Variants in ZFP36L2 observed in about 807,000 individuals in gnomAD.
The protein encoded by ZFP36L2 is mRNA decay activator protein ZFP36L2.
A neutral mutation model predicts 27.9 loss-of-function variants in ZFP36L2; 16 were observed. That is an observed-to-expected ratio of 0.57 (90% confidence interval 0.39 to 0.87). The LOEUF (loss-of-function observed/expected upper bound fraction) is 0.87. Among genes scored for constraint, ZFP36L2 ranks in the 40% least tolerant of loss-of-function variants. The pLI is 0.00. For synonymous variants in ZFP36L2, 600 were observed against 363.8 expected (o/e 1.65, Z -7.39); for missense variants, 989 against 726.9 (o/e 1.36, Z -4.15).
Position 43,225,594 on chromosome 2 carries a change from G to C in ZFP36L2, c.210C>G (p.Ser70Arg), listed in dbSNP as rs1486512294. Residue 70 changes from serine to arginine, a missense_variant, in exon 2 of 2, where the codon AGC becomes AGG. Transcript: ENST00000282388. ...NLHALAHPAP[S>R]PGSCSPKFPG... ...GGAACTTGGGCGAGCAGCTGCCGGG[G>C]CTGGGCGCGGGGTGGGCGAGTGCAT... 1 of 1,558,448 alleles carries C rather than the reference G, an allele frequency of 6.4e-7. No individual in the cohort carries two copies. The highest frequency in any genetic ancestry group is 8.6e-7 in the Non-Finnish European group (1 of 1,158,288).
Position 43,225,679 on chromosome 2 carries a change from G to C in ZFP36L2, c.125C>G (p.Ala42Gly). 6.3e-7 allele frequency: 1 copy of C among 1,592,620 alleles called. No homozygotes were observed. Among genetic ancestry groups the C allele is most frequent in the Non-Finnish European group, 8.5e-7 (1 of 1,177,548 alleles). The change falls in exon 2 of 2, where the codon GCC (alanine) becomes GGC (glycine). Residue 42 changes from alanine to glycine, a missense_variant. Transcript: ENST00000282388. ...DKKAVGTPVA[A>G]APSSGFAPGF... ...CGGCGCGAAGCCCGAGCTGGGGGCG[G>C]CGGCCACAGGCGTCCCCACCGCCTT...
chr2:43,224,361 G>C lies in ZFP36L2; in HGVS notation c.1443C>G (p.Arg481=). ...GSESPSLDPG[R]RLPIFSRLSI... ...AGAGGCGGCTGAAGATTGGCAGGCG[G>C]CGGCCAGGGTCGAGGCTGGGAGACT... The change falls in exon 2 of 2, where the codon CGC becomes CGG. Residue 481 remains arginine, a synonymous_variant. Coordinates refer to ENST00000282388, the MANE Select transcript of ZFP36L2 (RefSeq NM_006887.5). 1 of 1,559,386 alleles carries C rather than the reference G, an allele frequency of 6.4e-7. No homozygotes were observed. Among genetic ancestry groups the C allele is most frequent in the East Asian group, 2.5e-5 (1 of 39,356 alleles).
chr2:43,225,462 G>T lies in ZFP36L2; in HGVS notation c.342C>A (p.Asn114Lys). The change falls in exon 2 of 2, where the codon AAC (asparagine) becomes AAA (lysine). Residue 114 changes from asparagine to lysine, a missense_variant. Transcript: ENST00000282388. ...PSGGGGTALL[N>K]KENKFRDRSF... ...AGCGGTCCCGGAATTTGTTCTCCTTGTTGAGCAGGGCTGTGCCGCCGCCCC... is the reference window on the plus strand; with the variant it reads ...AGCGGTCCCGGAATTTGTTCTCCTTTTTGAGCAGGGCTGTGCCGCCGCCCC... 3 of 1,612,180 alleles carry T rather than the reference G, an allele frequency of 1.9e-6. No homozygotes were observed. The highest frequency in any genetic ancestry group is 2.5e-6 in the Non-Finnish European group (3 of 1,179,294).
Position 43,224,217 on chromosome 2 carries a change from A to C in ZFP36L2, c.*102T>G, listed in dbSNP as rs1572680261. On this transcript the variant is annotated 3_prime_UTR_variant, in exon 2 of 2. Transcript: ENST00000282388. ...TTGCAGTCTGCCTAGGGCCCATGTC[A>C]CCCCCCCCACTCCCGTGCCCCCAGC... 7.9e-7 allele frequency: 1 copy of C among 1,267,554 alleles called. No homozygotes were observed. Among genetic ancestry groups the C allele is most frequent in the South Asian group, 1.6e-5 (1 of 60,886 alleles). The allele number at this position is 1,267,554 out of a possible 1,614,324, so 78.5% of individuals were successfully genotyped here. A position where few individuals can be genotyped will look rare whatever the true frequency, so the allele number is the denominator to read the frequency against.
chr2:43,226,369 C>T lies in ZFP36L2; in HGVS notation c.-54G>A. On this transcript the variant is annotated 5_prime_UTR_variant, in exon 1 of 2. Transcript: ENST00000282388. ...GCAGGCCGGGAGGTCGGGAGGAGCC[C>T]TTGGGGCGGCGTGGCCGGGCTTGAG... 1 of 1,552,644 alleles carries T rather than the reference C, an allele frequency of 6.4e-7. No individual in the cohort carries two copies.
chr2:43,224,005 TTTG>T lies in ZFP36L2; in HGVS notation c.*311_*313del. On this transcript the variant is annotated 3_prime_UTR_variant, in exon 2 of 2. Coordinates refer to ENST00000282388, the MANE Select transcript of ZFP36L2 (RefSeq NM_006887.5). ...AAAGTTTAAGTGTTTTTTTTTTTTTTTTGTTCTATTCGTATCACAACTGCCCTG... is the reference window on the plus strand; with the variant it reads ...AAAGTTTAAGTGTTTTTTTTTTTTTTTTCTATTCGTATCACAACTGCCCTG... 8.0e-6 allele frequency: 2 copies of T among 250,990 alleles called. No individual in the cohort carries two copies. Among genetic ancestry groups the T allele is most frequent in the East Asian group, 7.1e-5 (1 of 14,184 alleles). The allele number at this position is 250,990 out of a possible 1,614,324, so 15.5% of individuals were successfully genotyped here.
Position 43,224,658 on chromosome 2 carries a change from G to C in ZFP36L2, c.1146C>G (p.Asn382Lys), listed in dbSNP as rs772998421. Reference sequence around the variant, plus strand: ...AGGCGGCGGCGGCCACGGCGGCAAAGTTGTGGGTCTGGATGGCGAGCGGCG... The same window carrying C: ...AGGCGGCGGCGGCCACGGCGGCAAACTTGTGGGTCTGGATGGCGAGCGGCG... ...LITPLAIQTH[N>K]FAAVAAAAYY... The change falls in exon 2 of 2, where the codon AAC becomes AAG. Residue 382 changes from asparagine (N) to lysine (K), a missense_variant. By Grantham distance (94) the Asn-to-Lys change is moderately conservative. Transcript: ENST00000282388. The C allele has an allele frequency of 6.5e-7, 1 of 1,530,628 alleles. No homozygotes were observed. Among genetic ancestry groups the C allele is most frequent in the Non-Finnish European group, 8.7e-7 (1 of 1,143,686 alleles). 94.8% of individuals were successfully genotyped at this position (1,530,628 alleles called of 1,614,324 possible).
At position 43,225,120 on chromosome 2, in the gene ZFP36L2, G is replaced by GC. The variant is rs1166597992; in HGVS notation, c.683dup (p.Ala229ArgfsTer245). ...CAAAGGCACGCAGGTCCCCGGAGGC[G>GC]CCCCCCGACGGCGCGGGCCGCCGCT... On this transcript the variant is annotated frameshift_variant, in exon 2 of 2. Transcript: ENST00000282388. LOFTEE classifies it high-confidence loss of function. 1.3e-6 allele frequency: 2 copies of GC among 1,593,522 alleles called. No homozygotes were observed. Among genetic ancestry groups the GC allele is most frequent in the Non-Finnish European group, 8.5e-7 (1 of 1,177,492 alleles).
chr2:43,224,246 G>A lies in ZFP36L2; in HGVS notation c.*73C>T, dbSNP rs1403222785. On this transcript the variant is annotated 3_prime_UTR_variant, in exon 2 of 2. Coordinates refer to ENST00000282388, the MANE Select transcript of ZFP36L2 (RefSeq NM_006887.5). ...CCCCCACTCCCGTGCCCCCAGCAAG[G>A]GCGAGATGGCGAGGGGTGTCCTCCA... 2 of 1,420,064 alleles carry A rather than the reference G, an allele frequency of 1.4e-6. No individual in the cohort carries two copies. Among genetic ancestry groups the A allele is most frequent in the Non-Finnish European group, 1.8e-6 (2 of 1,081,212 alleles). 88.0% of individuals were successfully genotyped at this position (1,420,064 alleles called of 1,614,324 possible).
In ZFP36L2 at chr2:43,223,123, G is replaced by C. The variant is rs896755258; in HGVS notation, c.*1196C>G. ...TTTATACATTCTAAGAAAACTCATA[G>C]GATGTTCCTCAAACTACTTCCACAG... On this transcript the variant is annotated 3_prime_UTR_variant, in exon 2 of 2. Coordinates refer to ENST00000282388, the MANE Select transcript of ZFP36L2 (RefSeq NM_006887.5). 1 of 152,218 alleles carries C rather than the reference G, an allele frequency of 6.6e-6. No individual in the cohort carries two copies. Among genetic ancestry groups the C allele is most frequent in the Non-Finnish European group, 1.5e-5 (1 of 68,018 alleles). 9.4% of individuals were successfully genotyped at this position (152,218 alleles called of 1,614,324 possible). A position where few individuals can be genotyped will look rare whatever the true frequency, so the allele number is the denominator to read the frequency against.
rs148479204 is a variant in ZFP36L2 at position 43,225,640 on chromosome 2, C to T, written c.164G>A (p.Arg55Gln). The change falls in exon 2 of 2, where the codon CGG (arginine) becomes CAG (glutamine). Residue 55 changes from arginine (R) to glutamine (Q), a missense_variant. Physicochemically the swap from Arg to Gln is conservative, Grantham distance 43. Transcript: ENST00000282388. ...SSGFAPGFLRRHSASNLHALA... is the reference protein window; with the variant it reads ...SSGFAPGFLRQHSASNLHALA... ...TGCATGCAGGTTGCTGGCCGAGTGCCGTCGGAGGAATCCCGGCGCGAAGCC... is the reference window on the plus strand; with the variant it reads ...TGCATGCAGGTTGCTGGCCGAGTGCTGTCGGAGGAATCCCGGCGCGAAGCC... 8.9e-6 allele frequency: 14 copies of T among 1,576,150 alleles called. No individual in the cohort carries two copies. In the East Asian group the frequency reaches 9.2e-5, roughly 10 times the overall value.
rs1455971506 is a variant in ZFP36L2 at position 43,225,081 on chromosome 2, C to A, written c.723G>T (p.Ala241=). 8.8e-6 allele frequency: 14 copies of A among 1,593,986 alleles called. No homozygotes were observed. Among genetic ancestry groups the A allele is most frequent in the Non-Finnish European group, 1.1e-5 (13 of 1,177,442 alleles). ...GCTCCCGCGGGAAGCCCAGGTGCAA[C>A]GCATCGCGCGTGCCAAAGGCACGCA... ...GDLRAFGTRD[A]LHLGFPREPR... The change falls in exon 2 of 2, where the codon GCG becomes GCT. Residue 241 remains alanine (A), a synonymous_variant. Transcript: ENST00000282388.
chr2:43,225,746 T>C lies in ZFP36L2; in HGVS notation c.58A>G (p.Lys20Glu). Residue 20 changes from lysine to glutamate, a missense_variant, in exon 2 of 2, where the codon AAA becomes GAA. Coordinates refer to ENST00000282388, the MANE Select transcript of ZFP36L2 (RefSeq NM_006887.5). Reference sequence around the variant, plus strand: ...TTCAGGTTGAGGTTGGCCAGGGATTTCTCTGTCTGCCAAAGGGAGGGGAGC... The same window carrying C: ...TTCAGGTTGAGGTTGGCCAGGGATTCCTCTGTCTGCCAAAGGGAGGGGAGC... ...YDVDFLCKTEKSLANLNLNNM... is the reference protein window; with the variant it reads ...YDVDFLCKTEESLANLNLNNM... 1 of 1,590,822 alleles carries C rather than the reference T, an allele frequency of 6.3e-7. No homozygotes were observed. Among genetic ancestry groups the C allele is most frequent in the Non-Finnish European group, 8.5e-7 (1 of 1,176,742 alleles).
In ZFP36L2 at chr2:43,224,848, G is replaced by A. The variant is rs767054314; in HGVS notation, c.956C>T (p.Pro319Leu). The change falls in exon 2 of 2, where the codon CCG becomes CTG. Residue 319 changes from proline to leucine, a missense_variant. Coordinates refer to ENST00000282388, the MANE Select transcript of ZFP36L2 (RefSeq NM_006887.5). ...GGCCGCCGCGGAGGCGCAGCATGTC[G>A]GGGCGCCCGAGGGCGTGGAGGCCGC... ...ASAASTPSGA[P>L]TCCASAAAAA... is the part of the protein sequence containing the mutation. 1 of 1,461,986 alleles carries A rather than the reference G, an allele frequency of 6.8e-7. No homozygotes were observed. Among genetic ancestry groups the A allele is most frequent in the Non-Finnish European group, 8.9e-7 (1 of 1,119,878 alleles). 90.6% of individuals were successfully genotyped at this position (1,461,986 alleles called of 1,614,324 possible). A position where few individuals can be genotyped will look rare whatever the true frequency, so the allele number is the denominator to read the frequency against.
rs190204637 is a variant in ZFP36L2 at position 43,223,917 on chromosome 2, G to C, written c.*402C>G. 1.7e-4 allele frequency: 28 copies of C among 165,294 alleles called. No individual in the cohort carries two copies. The East Asian group carries it at 4.3e-3, about 25-fold the overall frequency. The allele number at this position is 165,294 out of a possible 1,614,324, so 10.2% of individuals were successfully genotyped here. ...TGTTCAAGTGAAGAGATGGAATGGT[G>C]GTTGGTAGCTGCTGGTGCTGGGTTG... On this transcript the variant is annotated 3_prime_UTR_variant, in exon 2 of 2. Transcript: ENST00000282388.
chr2:43,225,938 C>G (rs1667089867), intron 1 of ZFP36L2, among the ~76,000 whole-genome samples, 186 bp from the exon 2 acceptor site: 1 of 151,976 alleles, frequency 6.6e-6, no homozygotes, highest in Non-Finnish European at 1.5e-5. Context: ...CTGGACGGAG[C>G]GGGAGAGGGG....
At position 43,224,533 on chromosome 2, in the gene ZFP36L2, G is replaced by C. The variant is rs1210096376; in HGVS notation, c.1271C>G (p.Pro424Arg). The change falls in exon 2 of 2, where the codon CCT becomes CGT. Residue 424 changes from proline (P) to arginine (R), a missense_variant. Coordinates refer to ENST00000282388, the MANE Select transcript of ZFP36L2 (RefSeq NM_006887.5). ...CTGGAAGCTGAAGGGCGGCGAGGGA[G>C]GTGCGGCGGCCCCGGCGGGGAGGGT... The part of the protein sequence containing the change: ...SATLPAGAAA[P>R]PSPPFSFQLP... 2 of 1,457,202 alleles carry C rather than the reference G, an allele frequency of 1.4e-6. No individual in the cohort carries two copies. The highest frequency in any genetic ancestry group is 5.0e-5 in the Admixed American group (2 of 40,262). 90.3% of individuals were successfully genotyped at this position (1,457,202 alleles called of 1,614,324 possible).
Position 43,225,125 on chromosome 2 carries a change from C to T in ZFP36L2, c.679G>A (p.Gly227Arg), listed in dbSNP as rs1442717167. The change falls in exon 2 of 2, where the codon GGG becomes AGG. Residue 227 changes from glycine (G) to arginine (R), a missense_variant. Gly to Arg is a moderately radical substitution (Grantham distance 125, BLOSUM62 -2). Coordinates refer to ENST00000282388, the MANE Select transcript of ZFP36L2 (RefSeq NM_006887.5). ...NADERRPAPS[G>R]GASGDLRAFG... ...GCACGCAGGTCCCCGGAGGCGCCCC[C>T]CGACGGCGCGGGCCGCCGCTCGTCC... 5 of 1,594,608 alleles carry T rather than the reference C, an allele frequency of 3.1e-6. No homozygotes were observed. The East Asian group carries it at 8.9e-5, about 29-fold the overall frequency.
Position 43,224,499 on chromosome 2 carries a change from G to A in ZFP36L2, c.1305C>T (p.Arg435=), listed in dbSNP as rs1219580054. 5 of 1,494,448 alleles carry A rather than the reference G, an allele frequency of 3.3e-6. No individual in the cohort carries two copies. Among genetic ancestry groups the A allele is most frequent in the African/African-American group, 1.5e-5 (1 of 68,924 alleles). 92.6% of individuals were successfully genotyped at this position (1,494,448 alleles called of 1,614,324 possible). A position where few individuals can be genotyped will look rare whatever the true frequency, so the allele number is the denominator to read the frequency against. The stretch of plus-strand genomic sequence containing the variant: ...CGAACACGGGCGAGTCGGACAGGCG[G>A]CGCGGCAGCTGGAAGCTGAAGGGCG... ...PSPPFSFQLP[R]RLSDSPVFDA... Residue 435 remains arginine (R), a synonymous_variant, in exon 2 of 2, where the codon CGC becomes CGT. Transcript: ENST00000282388.
Sources: gnomAD v4.1 joint callset for allele counts (sites outside exome capture counted in the v4.1 genomes callset) on GRCh38, gnomAD v4.1.1 for gene constraint, MANE v1.5 for transcripts, NCBI Gene and HGNC (gene_info 2026-07-23, HGNC 2026-07-21) for gene names.